Variants in ZNF534 observed in about 807,000 individuals in gnomAD.
ZNF534 encodes KRAB domain only 3.
A neutral mutation model predicts 13.6 loss-of-function variants in ZNF534; 19 were observed. The observed-to-expected ratio is 1.40, with a 90% CI of 0.97 to 2.05. ZNF534 has a LOEUF of 2.05. Among genes scored for constraint, ZNF534 ranks in the 30% most tolerant of loss-of-function variants. ZNF534 has a pLI of 0.00. For missense variants in ZNF534, 782 were observed against 796.3 expected (o/e 0.98, Z 0.22); for synonymous variants, 244 against 273.8 (o/e 0.89, Z 1.07).
intron 2 of ZNF534, 146 bp downstream of exon 2, chr19:52,431,635 C>A: frequency 9.2e-7 from 1 of 1,082,730 alleles, no homozygotes. Flanking sequence ...CCTTTCACTT[C>A]CACTTAAGAT....
Position 52,439,405 on chromosome 19 carries a change from C to T in ZNF534, c.1945C>T (p.Leu649=). 1 of 1,547,164 alleles carries T rather than the reference C, an allele frequency of 6.5e-7. No homozygotes were observed. The highest frequency in any genetic ancestry group is 8.7e-7 in the Non-Finnish European group (1 of 1,144,514). ...CGKVFSKNSI[L]VQHCSIHTRE... is the part of the protein sequence containing the mutation. Reference sequence around the variant, plus strand: ...CAAGGTCTTTAGTAAAAATTCCATCCTAGTACAACATTGCAGTATTCATAC... The same window carrying T: ...CAAGGTCTTTAGTAAAAATTCCATCTTAGTACAACATTGCAGTATTCATAC... Residue 649 remains leucine (L), a synonymous_variant, in exon 5 of 5, where the codon CTA becomes TTA. Transcript: ENST00000433050.
At chr19:52,444,979 C>G (rs747033095), downstream of ZNF534, among the ~76,000 whole-genome samples, 1 of 152,174 alleles carries the variant, frequency 6.6e-6, no homozygotes, top group Non-Finnish European at 1.5e-5. Context: ...CCTGTGGAGT[C>G]TGCACACTGG....
chr19:52,434,666 G>A lies in ZNF534; in HGVS notation c.143-415G>A, dbSNP rs140803132. Among the ~76,000 whole-genome samples the A allele has an allele frequency of 6.6e-5, 10 of 150,806 alleles. No individual in the cohort carries two copies. In the East Asian group the frequency reaches 1.6e-3, roughly 24 times the overall value. On this transcript the variant is annotated intron_variant, in intron 3 of 4. Coordinates refer to ENST00000433050, the MANE Select transcript of ZNF534 (RefSeq NM_001143938.3). ...GAATCACTTGAACCTGGGAGGCAGGGGCTGCAGTGAGCTGAGATCATGCCA... is the reference window on the plus strand; with the variant it reads ...GAATCACTTGAACCTGGGAGGCAGGAGCTGCAGTGAGCTGAGATCATGCCA...
Position 52,433,857 on chromosome 19 carries a change from C to T in ZNF534, c.16-98C>T, listed in dbSNP as rs186657306. On this transcript the variant is annotated intron_variant, in intron 2 of 4. Transcript: ENST00000433050. ...TTTAATGTGGATTTGGCGCAGTGCT[C>T]GCTTCAGTGGAGTGAGTCCTTACAA... The T allele has an allele frequency of 4.3e-5, 60 of 1,403,056 alleles. No individual in the cohort carries two copies. In the East Asian group the frequency reaches 9.7e-4, roughly 23 times the overall value. The allele number at this position is 1,403,056 out of a possible 1,614,324, so 86.9% of individuals were successfully genotyped here.
In ZNF534 at chr19:52,441,727, A is replaced by G. The variant is rs1402047076; in HGVS notation, c.*2281A>G. 6.6e-6 allele frequency among the ~76,000 whole-genome samples: 1 copy of G among 152,236 alleles called. No individual in the cohort carries two copies. Among genetic ancestry groups the G allele is most frequent in the African/African-American group, 2.4e-5 (1 of 41,460 alleles). Reference sequence around the variant, plus strand: ...GGCAAGGTCTCAAATTGAAATTCACATCTTGCGAATCACCACATAGAGAGA... The same window carrying G: ...GGCAAGGTCTCAAATTGAAATTCACGTCTTGCGAATCACCACATAGAGAGA... On this transcript the variant is annotated 3_prime_UTR_variant, in exon 5 of 5. Transcript: ENST00000433050.
chr19:52,450,678 TTTTTTTGTTTTTGTTTTTG>T (rs1472013785), intron 4 of ZNF534, among the ~76,000 whole-genome samples: 1,753 of 36,552 alleles, frequency 0.048, 223 homozygotes, highest in Non-Finnish European at 0.1. Flanking sequence ...GAGTTTTTTT[TTTTTTTGTTTTTGTTTTTG>T]TTTTTTTTTT....
chr19:52,438,871 T>C lies in ZNF534; in HGVS notation c.1411T>C (p.Cys471Arg), dbSNP rs199671629. 9 of 1,597,288 alleles carry C rather than the reference T, an allele frequency of 5.6e-6. No homozygotes were observed. Among genetic ancestry groups the C allele is most frequent in the African/African-American group, 1.3e-5 (1 of 74,402 alleles). The change falls in exon 5 of 5, where the codon TGT becomes CGT. Residue 471 changes from cysteine to arginine, a missense_variant. Cys to Arg is a radical substitution (Grantham distance 180). This residue lies in a region of ZNF534 where 591 missense variants were observed against 574.0 expected (regional missense o/e 1.03). Transcript: ENST00000433050. ...TGEKPYKCNE[C>R]GKVFSQNSNL... is the part of the protein sequence containing the mutation. ...AGAGAAGCCTTACAAATGTAACGAATGTGGCAAGGTCTTCAGTCAGAATTC... is the reference window on the plus strand; with the variant it reads ...AGAGAAGCCTTACAAATGTAACGAACGTGGCAAGGTCTTCAGTCAGAATTC...
chr19:52,446,735 G>A (rs1402648203), downstream of ZNF534, among the ~76,000 whole-genome samples: 3 of 152,106 alleles, frequency 2.0e-5, no homozygotes, highest in Non-Finnish European at 2.9e-5. Context: ...GTACATGCCT[G>A]ATGTCTCAGC....
At chr19:52,450,951 G>A (rs546960591) in intron 4 of ZNF534, among the ~76,000 whole-genome samples, 156 of 152,088 alleles carry the variant, frequency 1.0e-3, no homozygotes, top group African/African-American at 3.7e-3. Context: ...CTCCCAAAGT[G>A]CTGGAATTAC....
At chr19:52,447,979 G>T (rs1483688896) in intron 4 of ZNF534, among the ~76,000 whole-genome samples, 2 of 151,672 alleles carry the variant, frequency 1.3e-5, no homozygotes, top group African/African-American at 4.8e-5. Flanking sequence ...TCTGCCTTCT[G>T]GGACAAATTG....
intron 4 of ZNF534, among the ~76,000 whole-genome samples, chr19:52,437,167 C>A (rs2059133672): frequency 6.6e-6 from 1 of 152,164 alleles, no homozygotes; most frequent in Admixed American, 6.6e-5. Flanking sequence ...AGGCTTATCC[C>A]TGCTTTTTCA....
intron 4 of ZNF534, among the ~76,000 whole-genome samples, chr19:52,450,041 G>A (rs2122730945): frequency 6.6e-6 from 1 of 152,256 alleles, no homozygotes; most frequent in South Asian, 2.1e-4. Flanking sequence ...TTGCTATCGT[G>A]ATGTTTGAGT....
At chr19:52,446,259 C>T (rs1438553390), downstream of ZNF534, among the ~76,000 whole-genome samples, 1 of 152,164 alleles carries the variant, frequency 6.6e-6, no homozygotes, top group South Asian at 2.1e-4. Flanking sequence ...TATCTCCATG[C>T]TCAATCTCAA....
chr19:52,445,279 C>T (rs1387418366), downstream of ZNF534, among the ~76,000 whole-genome samples: 1 of 151,860 alleles, frequency 6.6e-6, no homozygotes, highest in African/African-American at 2.4e-5. Context: ...TCACTGCAAC[C>T]TCCAACTCCA....
At position 52,438,972 on chromosome 19, in the gene ZNF534, T is replaced by C. The variant is rs545312426; in HGVS notation, c.1512T>C (p.Arg504=). 24 of 1,604,612 alleles carry C rather than the reference T, an allele frequency of 1.5e-5. No homozygotes were observed. In the African/African-American group the frequency reaches 2.1e-4, roughly 14 times the overall value. ...YKCNECGKVF[R]QNSHLAQHRD... Reference sequence around the variant, plus strand: ...GTAATGAATGTGGCAAGGTCTTCCGTCAGAATTCACACCTTGCACAACATA... The same window carrying C: ...GTAATGAATGTGGCAAGGTCTTCCGCCAGAATTCACACCTTGCACAACATA... The change falls in exon 5 of 5, where the codon CGT becomes CGC. Residue 504 remains arginine, a synonymous_variant. Transcript: ENST00000433050.
chr19:52,435,295 G>A, intron 4 of ZNF534, 86 bp downstream of exon 4: 1 of 1,425,564 alleles, frequency 7.0e-7, no homozygotes, highest in Non-Finnish European at 9.4e-7. Flanking sequence ...CTGGAGTACA[G>A]TGGCAATCAT....
At chr19:52,451,376 C>G (rs1452922778) in exon 5 of ZNF534, 2 of 920,216 alleles carry the variant, frequency 2.2e-6, no homozygotes, top group Admixed American at 2.0e-5. Context: ...AGGCTCACGG[C>G]AGAGGGCCGA....
chr19:52,451,261 C>A, exon 5 of ZNF534: 2 of 874,442 alleles, frequency 2.3e-6, no homozygotes, highest in East Asian at 2.6e-5. Context: ...TGCTGAGGAG[C>A]CAACCGGCCC....
At chr19:52,435,250 T>A in intron 4 of ZNF534, 41 bp downstream of exon 4, 1 of 1,564,378 alleles carries the variant, frequency 6.4e-7, no homozygotes, top group Non-Finnish European at 8.6e-7. Context: ...CCATAATTTT[T>A]GTATTTTGAG....
Sources: gnomAD v4.1 joint callset for allele counts (sites outside exome capture counted in the v4.1 genomes callset) on GRCh38, gnomAD v4.1.1 for gene constraint, gnomAD v4.1.1 regional missense constraint, MANE v1.5 for transcripts, NCBI Gene and HGNC (gene_info 2026-07-23, HGNC 2026-07-21) for gene names.